Variants in VPS13B observed in about 807,000 individuals in gnomAD.
VPS13B encodes the protein vacuolar protein sorting 13 homolog B, also known as intermembrane lipid transfer protein VPS13B.
A neutral mutation model predicts 426.4 loss-of-function variants in VPS13B; 285 were observed. The observed-to-expected ratio is 0.67, with a 90% CI of 0.61 to 0.74. The LOEUF is 0.74. Ranked by LOEUF, VPS13B falls within the 30% of genes least tolerant of loss-of-function variation. VPS13B has a pLI of 0.00. For missense variants in VPS13B, 4,537 were observed against 4,782.6 expected (o/e 0.95, Z 1.51); for synonymous variants, 1,676 against 1,676.4 (o/e 1.00, Z 0.01).
intron 8 of VPS13B, among the ~76,000 whole-genome samples, chr8:99,129,858 T>A (rs1041832307): frequency 3.3e-5 from 5 of 150,952 alleles, no homozygotes; most frequent in African/African-American, 1.2e-4. Flanking sequence ...CCCATCTTTA[T>A]AAAAAAAAAT....
chr8:99,298,525 A>G (rs1239718929), intron 19 of VPS13B, among the ~76,000 whole-genome samples: 1 of 152,094 alleles, frequency 6.6e-6, no homozygotes, highest in Non-Finnish European at 1.5e-5. Context: ...TAAAATAAAA[A>G]TAAAAAAGAT....
chr8:99,278,463 A>G (rs1266875645), intron 19 of VPS13B, among the ~76,000 whole-genome samples: 1 of 152,232 alleles, frequency 6.6e-6, no homozygotes, highest in African/African-American at 2.4e-5. Context: ...AAATTGTTTT[A>G]TTTGCTTACA....
Position 99,055,044 on chromosome 8 carries a change from G to GT in VPS13B, c.291+16489dup, listed in dbSNP as rs397779213. ...TATTTTGTATTTCTGTTTTTTTTTT[G>GT]TTTTTTTTTTTGTTACAGGGTCTCA... On this transcript the variant is annotated intron_variant, in intron 3 of 61. Coordinates refer to ENST00000357162, the MANE Select transcript of VPS13B (RefSeq NM_152564.5). Among the ~76,000 whole-genome samples, 1,209 of 141,840 alleles carry GT rather than the reference G, an allele frequency of 8.5e-3. 24 individuals are homozygous for GT. The highest frequency in any genetic ancestry group is 0.025 in the African/African-American group (958 of 38,702). The allele number at this position is 141,840 out of a possible 152,430, so 93.1% of individuals were successfully genotyped here. A position where few individuals can be genotyped will look rare whatever the true frequency, so the allele number is the denominator to read the frequency against.
intron 54 of VPS13B, among the ~76,000 whole-genome samples, 187 bp from the exon 55 acceptor site, chr8:99,848,589 T>C (rs1201295374): frequency 6.6e-6 from 1 of 152,208 alleles, no homozygotes; most frequent in Non-Finnish European, 1.5e-5. Flanking sequence ...TTGAAAAATC[T>C]GGTTTTGATC....
At chr8:99,478,447 G>GTTTTTTTTTTTTTTTTTTTTTTTTTTTTT (rs56261645) in intron 24 of VPS13B, among the ~76,000 whole-genome samples, 4 of 85,756 alleles carry the variant, frequency 4.7e-5, no homozygotes, top group Non-Finnish European at 6.3e-5. Context: ...TTTTTGTTTT[G>GTTTTTTTTTTTTTTTTTTTTTTTTTTTTT]TTTTTTTTTT....
chr8:99,536,508 A>G (rs1020682664), intron 30 of VPS13B: 2 of 342,256 alleles, frequency 5.8e-6, no homozygotes, highest in East Asian at 7.9e-5. Context: ...ACTTAATACC[A>G]TAGTTATTTA....
chr8:99,323,266 ATCT>A (rs1810076493), intron 19 of VPS13B, among the ~76,000 whole-genome samples: 1 of 152,162 alleles, frequency 6.6e-6, no homozygotes, highest in Admixed American at 6.5e-5. Context: ...TTTCTTAGTA[ATCT>A]TCTCAGGGAG....
At chr8:99,775,208 A>C (rs79267088) in intron 40 of VPS13B, among the ~76,000 whole-genome samples, 6,974 of 152,128 alleles carry the variant, frequency 0.046, 169 homozygotes, top group African/African-American at 0.061. Flanking sequence ...CTACGTATTG[A>C]GTATCACCAG....
chr8:99,507,658 C>T (rs1821570472), intron 28 of VPS13B: 2 of 1,544,760 alleles, frequency 1.3e-6, no homozygotes, highest in African/African-American at 1.4e-5. Flanking sequence ...TTGCTCAAAC[C>T]TAAATTTATA....
intron 51 of VPS13B, among the ~76,000 whole-genome samples, chr8:99,825,025 C>G (rs975852258): frequency 6.6e-6 from 1 of 152,126 alleles, no homozygotes; most frequent in Non-Finnish European, 1.5e-5. Flanking sequence ...GTAAATAGTG[C>G]TGCAATAAAC....
intron 17 of VPS13B, chr8:99,234,214 C>T (rs375612307): frequency 1.3e-5 from 10 of 776,370 alleles, no homozygotes; most frequent in East Asian, 4.9e-5. Context: ...AACTGATGCC[C>T]GCTTAGCTCC....
chr8:99,017,578 T>C (rs1563485184), intron 2 of VPS13B, among the ~76,000 whole-genome samples: 1 of 151,640 alleles, frequency 6.6e-6, no homozygotes, highest in Non-Finnish European at 1.5e-5. Flanking sequence ...CACTGCAACC[T>C]CCACCTCCCT....
rs190952451 is a variant in VPS13B at position 99,353,858 on chromosome 8, C to T, written c.2825-30350C>T. Among the ~76,000 whole-genome samples, 86 of 152,046 alleles carry T rather than the reference C, an allele frequency of 5.7e-4. No individual in the cohort carries two copies. In the Middle Eastern group the frequency reaches 0.014, roughly 24 times the overall value. On this transcript the variant is annotated intron_variant, in intron 19 of 61. Transcript: ENST00000357162. ...AAACTATTATGAAAAATAAAAACTT[C>T]GAAGACTACACTGTATTATTATATA... is the stretch of plus-strand genomic sequence containing the variant.
At chr8:99,396,090 T>C (rs1198690126) in intron 21 of VPS13B, among the ~76,000 whole-genome samples, 2 of 152,148 alleles carry the variant, frequency 1.3e-5, no homozygotes, top group Non-Finnish European at 2.9e-5. Context: ...CAGAGCCTTA[T>C]CGAACCGTGG....
intron 17 of VPS13B, among the ~76,000 whole-genome samples, chr8:99,203,873 T>C (rs952072161): frequency 7.4e-4 from 112 of 152,232 alleles, no homozygotes; most frequent in African/African-American, 2.6e-3. Context: ...CACATACAAA[T>C]GGAAAAACAT....
chr8:99,315,345 T>G lies in VPS13B; in HGVS notation c.2824+40091T>G, dbSNP rs1809578229. Among the ~76,000 whole-genome samples the G allele has an allele frequency of 2.0e-5, 3 of 152,038 alleles. No homozygotes were observed. The South Asian group carries it at 6.2e-4, about 32-fold the overall frequency. On this transcript the variant is annotated intron_variant, in intron 19 of 61. Coordinates refer to ENST00000357162, the MANE Select transcript of VPS13B (RefSeq NM_152564.5). ...TTTTAAATTCTCTCTCTCTTTTTTT[T>G]TTTTTAACTAACTGGGTTATTTCAA...
intron 19 of VPS13B, among the ~76,000 whole-genome samples, chr8:99,324,993 C>T (rs1204604618): frequency 1.3e-5 from 2 of 152,110 alleles, no homozygotes; most frequent in African/African-American, 4.8e-5. Flanking sequence ...TAATCATTCT[C>T]ATTTTCATTG....
chr8:99,588,248 G>A (rs1421996701), intron 33 of VPS13B, among the ~76,000 whole-genome samples: 4 of 151,706 alleles, frequency 2.6e-5, no homozygotes, highest in African/African-American at 7.3e-5. Context: ...AAGTCAGGTA[G>A]CACGATGCCT....
chr8:99,276,142 T>C (rs1431540644), intron 19 of VPS13B, among the ~76,000 whole-genome samples: 1 of 152,118 alleles, frequency 6.6e-6, no homozygotes, highest in East Asian at 1.9e-4. Context: ...AGAGACTATG[T>C]AGAGGTAAAT....
Sources: gnomAD v4.1 joint callset for allele counts (sites outside exome capture counted in the v4.1 genomes callset) on GRCh38, gnomAD v4.1.1 for gene constraint, MANE v1.5 for transcripts, NCBI Gene and HGNC (gene_info 2026-07-23, HGNC 2026-07-21) for gene names.